Variants in LTBP3 observed in about 807,000 individuals in gnomAD.
LTBP3 encodes latent-transforming growth factor beta-binding protein 3.
A neutral mutation model predicts 159.7 loss-of-function variants in LTBP3; 97 were observed. The ratio of observed to expected loss-of-function variants is 0.61; its 90% CI spans 0.52 to 0.72. The LOEUF is 0.72. Among genes scored for constraint, LTBP3 ranks in the 30% least tolerant of loss-of-function variants. LTBP3 has a pLI of 0.00. For missense variants in LTBP3, 1,584 were observed against 1,864.3 expected (o/e 0.85, Z 2.77); for synonymous variants, 824 against 777.1 (o/e 1.06, Z -1.00).
In LTBP3 at chr11:65,546,645, C is replaced by A. The variant is rs1011784959; in HGVS notation, c.2231-81G>T. 2.1e-5 allele frequency: 34 copies of A among 1,586,154 alleles called. No individual in the cohort carries two copies. Among genetic ancestry groups the A allele is most frequent in the African/African-American group, 1.2e-4 (9 of 74,718 alleles). ...CCTCGCGGGGGTGTGGGTCTCTTCC[C>A]TGGAACGCGGGGTTGAGAGGGCAGC... On this transcript the variant is annotated intron_variant, in intron 15 of 27. Coordinates refer to ENST00000301873, the MANE Select transcript of LTBP3 (RefSeq NM_001130144.3). This position sits in a 1 kb window ranked among gnomAD's most constrained non-coding sequence, Gnocchi z 4.0.
Position 65,547,491 on chromosome 11 carries a change from G to T in LTBP3, c.2055C>A (p.Cys685Ter). ...TGAGCCGGTAGCCGGGGTAGCAGTT[G>T]CACTTGTAGTGACCGGGAAAGTTGA... ...FCINFPGHYKCNCYPGYRLKA... is the reference protein window; with the variant it reads ...FCINFPGHYK The change falls in exon 14 of 28, where the codon TGC becomes TGA. Residue 685 changes from cysteine (C) to a stop codon, truncating the protein, a stop_gained. Transcript: ENST00000301873. LOFTEE classifies it high-confidence loss of function. The surrounding 1 kb of genome is among the most constrained non-coding windows in gnomAD (Gnocchi z 4.6). The T allele has an allele frequency of 6.2e-7, 1 of 1,614,138 alleles. No individual in the cohort carries two copies.
chr11:65,546,807 C>T lies in LTBP3; in HGVS notation c.2221G>A (p.Ala741Thr). The change falls in exon 15 of 28, where the codon GCC (alanine) becomes ACC (threonine). Residue 741 changes from alanine (A) to threonine (T), a missense_variant. By Grantham distance (58) the Ala-to-Thr change is moderately conservative (BLOSUM62 0). Coordinates refer to ENST00000301873, the MANE Select transcript of LTBP3 (RefSeq NM_001130144.3). The surrounding 1 kb of genome is among the most constrained non-coding windows in gnomAD (Gnocchi z 4.0). ...QPGYRSQGGG[A>T]CRDVNECAEG... ...CGGGCCCCGCCCTCACCGCGACAGG[C>T]CCCGCCCCCCTGGCTGCGGTAGCCA... is the stretch of plus-strand genomic sequence containing the variant. 1 of 1,604,608 alleles carries T rather than the reference C, an allele frequency of 6.2e-7. No homozygotes were observed.
rs954989618 is a variant in LTBP3 at position 65,541,610 on chromosome 11, G to C, written c.2715C>G (p.His905Gln). 6.2e-7 allele frequency: 1 copy of C among 1,614,134 alleles called. No homozygotes were observed. The highest frequency in any genetic ancestry group is 8.5e-7 in the Non-Finnish European group (1 of 1,180,008). ...TGGGAGGACACTCACCCTCACAACC[G>C]TGCTGGTCCTGGGTGGGAGTGAAGC... ...DEGFTPTQDQHGCEEVEQPHH... is the reference protein window; with the variant it reads ...DEGFTPTQDQQGCEEVEQPHH... The change falls in exon 19 of 28, where the codon CAC becomes CAG. Residue 905 changes from histidine (H) to glutamine (Q), a missense_variant. Around this residue, in one of 6 missense-constraint regions of LTBP3, gnomAD observed 565 missense variants for 677.7 expected, o/e 0.83. Transcript: ENST00000301873.
At chr11:65,551,595 G>T (rs201951431) in intron 8 of LTBP3, 31 bp from the exon 9 acceptor site, 67 of 1,613,860 alleles carry the variant, frequency 4.2e-5, no homozygotes, top group Non-Finnish European at 5.2e-5. Flanking sequence ...GCCATGAAGT[G>T]TTGGGGCGGG....
Position 65,546,358 on chromosome 11 carries a change from ACT to A in LTBP3, c.2353+82_2353+83del. On this transcript the variant is annotated intron_variant, in intron 16 of 27. Transcript: ENST00000301873. The surrounding 1 kb of genome is among the most constrained non-coding windows in gnomAD (Gnocchi z 4.0). ...GGGATGAATGAGCCACCTTCCACCC[ACT>A]GTTTACAGACAGCGTGACCCGCTCC... 2.1e-6 allele frequency: 3 copies of A among 1,423,316 alleles called. No individual in the cohort carries two copies. The highest frequency in any genetic ancestry group is 2.8e-6 in the Non-Finnish European group (3 of 1,083,866). 88.2% of individuals were successfully genotyped at this position (1,423,316 alleles called of 1,614,324 possible). A position where few individuals can be genotyped will look rare whatever the true frequency, so the allele number is the denominator to read the frequency against.
chr11:65,548,004 C>T lies in LTBP3; in HGVS notation c.1762G>A (p.Gly588Arg), dbSNP rs373706492. The T allele has an allele frequency of 6.2e-7, 1 of 1,613,876 alleles. No homozygotes were observed. Among genetic ancestry groups the T allele is most frequent in the Non-Finnish European group, 8.5e-7 (1 of 1,179,988 alleles). The change falls in exon 12 of 28, where the codon GGA becomes AGA. Residue 588 changes from glycine to arginine, a missense_variant. This residue lies in a region of LTBP3 where 565 missense variants were observed against 677.7 expected (regional missense o/e 0.83). Transcript: ENST00000301873. ...CRLNQNICGH[G>R]ECVPGPPDYS... The stretch of plus-strand genomic sequence containing the variant: ...TCAGGGGGGCCCGGCACGCACTCTC[C>T]GTGGCCACAGATGTTCTGGTTCAGT...
Position 65,541,610 on chromosome 11 carries a change from G to A in LTBP3, c.2715C>T (p.His905=), listed in dbSNP as rs954989618. 6.2e-7 allele frequency: 1 copy of A among 1,614,134 alleles called. No homozygotes were observed. The highest frequency in any genetic ancestry group is 8.5e-7 in the Non-Finnish European group (1 of 1,180,008). Reference sequence around the variant, plus strand: ...TGGGAGGACACTCACCCTCACAACCGTGCTGGTCCTGGGTGGGAGTGAAGC... The same window carrying A: ...TGGGAGGACACTCACCCTCACAACCATGCTGGTCCTGGGTGGGAGTGAAGC... ...DEGFTPTQDQ[H]GCEEVEQPHH... The change falls in exon 19 of 28, where the codon CAC becomes CAT. Residue 905 remains histidine (H), a synonymous_variant. Coordinates refer to ENST00000301873, the MANE Select transcript of LTBP3 (RefSeq NM_001130144.3).
In LTBP3 at chr11:65,540,375, G is replaced by C. The variant is rs752096078; in HGVS notation, c.3114C>G (p.Asp1038Glu). The change falls in exon 23 of 28, where the codon GAC becomes GAG. Residue 1038 changes from aspartate (D) to glutamate (E), a missense_variant. Asp to Glu is a conservative substitution (Grantham distance 45, BLOSUM62 2). Around this residue, in one of 6 missense-constraint regions of LTBP3, gnomAD observed 514 missense variants for 530.3 expected, o/e 0.97. Transcript: ENST00000301873. ...GGCAGTTGGACTCGTCCAGGCACTC[G>C]TCCACGTCTGCAGGGAGGAAAAGCG... Reference protein sequence around the residue: ...DGNLLECVDVDECLDESNCRN... With the variant: ...DGNLLECVDVEECLDESNCRN... 2 of 1,598,666 alleles carry C rather than the reference G, an allele frequency of 1.3e-6. No homozygotes were observed. Among genetic ancestry groups the C allele is most frequent in the Non-Finnish European group, 1.7e-6 (2 of 1,173,784 alleles).
rs766570304 is a variant in LTBP3 at position 65,540,571 on chromosome 11, C to G, written c.3021G>C (p.Glu1007Asp). The G allele has an allele frequency of 1.1e-5, 17 of 1,613,768 alleles. No homozygotes were observed. The highest frequency in any genetic ancestry group is 1.4e-5 in the Non-Finnish European group (16 of 1,179,918). ...CAGGCTGCGTGTTCACGCACTTGCC[C>G]TCCTTGCAAATCTCCGACCCGAACA... is the stretch of plus-strand genomic sequence containing the variant. ...CMLFGSEICK[E>D]GKCVNTQPGY... Residue 1007 changes from glutamate to aspartate, a missense_variant, in exon 22 of 28, where the codon GAG (glutamate) becomes GAC (aspartate). Physicochemically the swap from Glu to Asp is conservative, Grantham distance 45. This residue lies in a region of LTBP3 where 514 missense variants were observed against 530.3 expected (regional missense o/e 0.97). Transcript: ENST00000301873.
chr11:65,557,590 T>C (rs982100491), intron 1 of LTBP3, 39 bp downstream of exon 1: 33 of 1,603,128 alleles, frequency 2.1e-5, no homozygotes, highest in Non-Finnish European at 2.6e-5. Flanking sequence ...GCCTGGTGCC[T>C]GTCCTTCCCC....
rs1176135281 is a variant in LTBP3, at chr11:65,539,135, G to A, written c.3857C>T (p.Ala1286Val). The A allele has an allele frequency of 2.0e-6, 3 of 1,486,206 alleles. No homozygotes were observed. Among genetic ancestry groups the A allele is most frequent in the Non-Finnish European group, 2.7e-6 (3 of 1,114,476 alleles). The allele number at this position is 1,486,206 out of a possible 1,614,324, so 92.1% of individuals were successfully genotyped here. A position where few individuals can be genotyped will look rare whatever the true frequency, so the allele number is the denominator to read the frequency against. The change falls in exon 28 of 28, where the codon GCC becomes GTC. Residue 1286 changes from alanine to valine, a missense_variant. Around this residue, in one of 6 missense-constraint regions of LTBP3, gnomAD observed 514 missense variants for 530.3 expected, o/e 0.97. Coordinates refer to ENST00000301873, the MANE Select transcript of LTBP3 (RefSeq NM_001130144.3). ...GTGCGGGCGGCTGCGCGCGAAGCCG[G>A]CTTTGCAGACGCAGCGGAAGGAGCC... ...TSGSFRCVCK[A>V]GFARSRPHGA...
At chr11:65,540,407 G>T in intron 22 of LTBP3, 25 bp from the exon 23 acceptor site, 1 of 1,605,840 alleles carries the variant, frequency 6.2e-7, no homozygotes, top group Admixed American at 1.7e-5. Flanking sequence ...AGCGTGGGTA[G>T]CAGGGGCAGG....
In LTBP3 at chr11:65,540,033, T is replaced by C; in HGVS notation, c.3365A>G (p.Gln1122Arg). 1 of 1,513,322 alleles carries C rather than the reference T, an allele frequency of 6.6e-7. No individual in the cohort carries two copies. The highest frequency in any genetic ancestry group is 2.1e-5 in the Admixed American group (1 of 48,708). 93.7% of individuals were successfully genotyped at this position (1,513,322 alleles called of 1,614,324 possible). Residue 1122 changes from glutamine (Q) to arginine (R), a missense_variant, in exon 24 of 28, where the codon CAG becomes CGG. Around this residue, in one of 6 missense-constraint regions of LTBP3, gnomAD observed 514 missense variants for 530.3 expected, o/e 0.97. Transcript: ENST00000301873. The part of the protein sequence containing the change: ...WVPGPSGRDC[Q>R]LPESPAERAP... Reference sequence around the variant, plus strand: ...CTCACCGGCCGGGCTCTCGGGGAGCTGGCAATCGCGGCCGGAGGGCCCGGG... The same window carrying C: ...CTCACCGGCCGGGCTCTCGGGGAGCCGGCAATCGCGGCCGGAGGGCCCGGG...
rs1454347218 is a variant in LTBP3 at position 65,547,347 on chromosome 11, GGAA to G, written c.2107+89_2107+91del. 2.9e-4 allele frequency: 380 copies of G among 1,326,654 alleles called. 1 individual carries two copies. Among genetic ancestry groups the G allele is most frequent in the African/African-American group, 1.7e-3 (114 of 65,484 alleles). The allele number at this position is 1,326,654 out of a possible 1,614,324, so 82.2% of individuals were successfully genotyped here. ...CGACAGAGTGAGACTCCGTCTCGGG[GGAA>G]AAAAAAAAAAATGCAGGCACCCCAG... On this transcript the variant is annotated intron_variant, in intron 14 of 27. Transcript: ENST00000301873. The surrounding 1 kb of genome is among the most constrained non-coding windows in gnomAD (Gnocchi z 4.6).
chr11:65,540,699 T>C, intron 21 of LTBP3, 85 bp from the exon 22 acceptor site: 4 of 1,196,610 alleles, frequency 3.3e-6, no homozygotes, highest in South Asian at 1.3e-5. Flanking sequence ...AGCGAAGCCA[T>C]CCCCGGGCGG....
In LTBP3 at chr11:65,554,885, T is replaced by C. The variant is rs1231218046; in HGVS notation, c.332-505A>G. ...CTGCCTGCTCTCCACCCTCTCCCTC[T>C]TCACCATCCTGGGGCGCCCACCTCA... On this transcript the variant is annotated intron_variant, in intron 1 of 27. Transcript: ENST00000301873. The surrounding 1 kb of genome is among the most constrained non-coding windows in gnomAD (Gnocchi z 5.3). 6.6e-6 allele frequency among the ~76,000 whole-genome samples: 1 copy of C among 151,932 alleles called. No homozygotes were observed. The highest frequency in any genetic ancestry group is 1.5e-5 in the Non-Finnish European group (1 of 67,954).
intron 19 of LTBP3, 41 bp from the exon 20 acceptor site, chr11:65,541,334 C>G (rs1474198710): frequency 1.9e-6 from 3 of 1,600,836 alleles, no homozygotes; most frequent in Non-Finnish European, 2.5e-6. Flanking sequence ...CACAGACCCC[C>G]CTTGGCCCTG....
rs1168777871 is a variant in LTBP3 at position 65,553,362 on chromosome 11, A to ATGGGTGGGG, written c.970+54_970+62dup. On this transcript the variant is annotated intron_variant, in intron 4 of 27. Transcript: ENST00000301873. This position sits in a 1 kb window ranked among gnomAD's most constrained non-coding sequence, Gnocchi z 6.5. Reference sequence around the variant, plus strand: ...TGACCTGGGGACTCCCACTGCAGGGATGGGTGGGGTGGGTGGGGAGGGGCC... The same window carrying ATGGGTGGGG: ...TGACCTGGGGACTCCCACTGCAGGGATGGGTGGGGTGGGTGGGGTGGGTGGGGAGGGGCC... 14 of 429,586 alleles carry ATGGGTGGGG rather than the reference A, an allele frequency of 3.3e-5. No homozygotes were observed. In the Admixed American group the frequency reaches 6.0e-4, roughly 18 times the overall value. The allele number at this position is 429,586 out of a possible 1,614,324, so 26.6% of individuals were successfully genotyped here.
chr11:65,556,131 C>G (rs988602822), intron 1 of LTBP3, among the ~76,000 whole-genome samples: 5 of 152,126 alleles, frequency 3.3e-5, no homozygotes, highest in African/African-American at 1.2e-4. Flanking sequence ...GCAGGATGGC[C>G]AGGGAGCCTG....
Sources: gnomAD v4.1 joint callset for allele counts (sites outside exome capture counted in the v4.1 genomes callset) on GRCh38, gnomAD v4.1.1 for gene constraint, gnomAD v4.1.1 regional missense constraint, Gnocchi (gnomAD v3.1) non-coding constraint, MANE v1.5 for transcripts, NCBI Gene and HGNC (gene_info 2026-07-23, HGNC 2026-07-21) for gene names.